The following APOB variants were observed in gnomAD, a reference collection of about 807,000 sequenced individuals.
APOB encodes the protein apolipoprotein B.
Under a neutral mutation model 314.1 loss-of-function variants are expected in APOB, and 153 were observed. The observed-to-expected ratio is 0.49, with a 90% CI of 0.43 to 0.56. APOB has a LOEUF of 0.56. APOB is among the 20% of genes least tolerant of loss of function. The probability of loss-of-function intolerance (pLI) is 0.00; values close to 1 mark genes in which losing one functional copy is unlikely to be tolerated. For synonymous variants in APOB, 2,087 were observed against 2,036.4 expected (o/e 1.02, Z -0.67); for missense variants, 5,430 against 5,350.7 (o/e 1.01, Z -0.46).
Position 21,002,096 on chromosome 2 carries a change from T to C in APOB, c.13326A>G (p.Gln4442=), listed in dbSNP as rs1243783829. 1 of 1,613,856 alleles carries C rather than the reference T, an allele frequency of 6.2e-7. No homozygotes were observed. The change falls in exon 29 of 29, where the codon CAA becomes CAG. Residue 4442 remains glutamine (Q), a synonymous_variant. Transcript: ENST00000233242. ...ATTCCTGAATATTTCTGTGCAGAAA[T>C]TGCTCAACTTGACTTGAGAGTTGGG... ...FTSQLSSQVE[Q]FLHRNIQEYL...
Position 21,007,269 on chromosome 2 carries a change from C to A in APOB, c.9599G>T (p.Ser3200Ile). The part of the protein sequence containing the change: ...LAVLCEFISQ[S>I]IKSFDRHFEK... ...AAAATGCCTGTCAAAGGATTTGATGCTCTGACTGATAAACTCACAAAGCAC... is the reference window on the plus strand; with the variant it reads ...AAAATGCCTGTCAAAGGATTTGATGATCTGACTGATAAACTCACAAAGCAC... The change falls in exon 26 of 29, where the codon AGC (serine) becomes ATC (isoleucine). Residue 3200 changes from serine (S) to isoleucine (I), a missense_variant. Coordinates refer to ENST00000233242, the MANE Select transcript of APOB (RefSeq NM_000384.3). The A allele has an allele frequency of 6.2e-7, 1 of 1,613,458 alleles. No homozygotes were observed.
Position 21,028,330 on chromosome 2 carries a change from T to G in APOB, c.1826A>C (p.Gln609Pro). 1 of 1,612,750 alleles carries G rather than the reference T, an allele frequency of 6.2e-7. No individual in the cohort carries two copies. Among genetic ancestry groups the G allele is most frequent in the East Asian group, 2.2e-5 (1 of 44,860 alleles). The change falls in exon 13 of 29, where the codon CAA becomes CCA. Residue 609 changes from glutamine to proline, a missense_variant. By Grantham distance (76) the Gln-to-Pro change is moderately conservative. Around this residue, in one of 3 missense-constraint regions of APOB, gnomAD observed 2,085 missense variants for 2,079.7 expected, o/e 1.00. Transcript: ENST00000233242. ...NILNSEELDI[Q>P]DLKKLVKEAL... ...GGGGTGAATAGCTCTTACTTACTCTTGGATATCCAATTCTTCTGAGTTCAA... is the reference window on the plus strand; with the variant it reads ...GGGGTGAATAGCTCTTACTTACTCTGGGATATCCAATTCTTCTGAGTTCAA...
intron 18 of APOB, 90 bp from the exon 19 acceptor site, chr2:21,019,995 C>T (rs1302305486): frequency 2.5e-6 from 3 of 1,180,046 alleles, no homozygotes; most frequent in Admixed American, 1.7e-5. Context: ...CCCCCTTATC[C>T]TCCTGTCTTC....
Position 21,005,394 on chromosome 2 carries a change from A to T in APOB, c.11474T>A (p.Phe3825Tyr), listed in dbSNP as rs1663099399. 6.2e-7 allele frequency: 1 copy of T among 1,613,986 alleles called. No homozygotes were observed. The highest frequency in any genetic ancestry group is 8.5e-7 in the Non-Finnish European group (1 of 1,179,962). Residue 3825 changes from phenylalanine to tyrosine, a missense_variant, in exon 26 of 29, where the codon TTC (phenylalanine) becomes TAC (tyrosine). Around this residue, in one of 3 missense-constraint regions of APOB, gnomAD observed 3,281 missense variants for 3,171.0 expected, o/e 1.03. Coordinates refer to ENST00000233242, the MANE Select transcript of APOB (RefSeq NM_000384.3). ...VPESQLTVSQ[F>Y]TLPKSVSDGI... ...ATCTGAAACACTTTTTGGAAGCGTGAACTGGGACACAGTTAACTGAGATTC... is the reference window on the plus strand; with the variant it reads ...ATCTGAAACACTTTTTGGAAGCGTGTACTGGGACACAGTTAACTGAGATTC...
At chr2:21,037,482 T>C (rs1276886670) in intron 5 of APOB, among the ~76,000 whole-genome samples, 1 of 152,036 alleles carries the variant, frequency 6.6e-6, no homozygotes, top group Non-Finnish European at 1.5e-5. Context: ...CCTCCGCAGG[T>C]TGCATCGGTG....
intron 25 of APOB, 63 bp from the exon 26 acceptor site, chr2:21,012,714 G>T: frequency 6.5e-7 from 1 of 1,547,620 alleles, no homozygotes; most frequent in Non-Finnish European, 8.8e-7. Flanking sequence ...CAATCTCTAT[G>T]TTGAAAGTCT....
In APOB at chr2:21,005,735, G is replaced by T; in HGVS notation, c.11133C>A (p.Thr3711=). 6.2e-7 allele frequency: 1 copy of T among 1,613,844 alleles called. No individual in the cohort carries two copies. Among genetic ancestry groups the T allele is most frequent in the Non-Finnish European group, 8.5e-7 (1 of 1,179,914 alleles). ...HLRVSTAFVY[T]KNPNGYSFSI... ...AGAATGAATAGCCATTGGGGTTTTT[G>T]GTGTACACAAAGGCAGTTGAAACAC... Residue 3711 remains threonine (T), a synonymous_variant, in exon 26 of 29, where the codon ACC becomes ACA. Coordinates refer to ENST00000233242, the MANE Select transcript of APOB (RefSeq NM_000384.3).
rs1663229780 is a variant in APOB at position 21,008,989 on chromosome 2, G to T, written c.7879C>A (p.Pro2627Thr). Residue 2627 changes from proline (P) to threonine (T), a missense_variant, in exon 26 of 29, where the codon CCA becomes ACA. By Grantham distance (38) the Pro-to-Thr change is conservative. Transcript: ENST00000233242. Reference sequence around the variant, plus strand: ...TCTTTGAAGTTTATCTGAACTGATGGAATCCTCAAATCTGTTAGGGGGACT... The same window carrying T: ...TCTTTGAAGTTTATCTGAACTGATGTAATCCTCAAATCTGTTAGGGGGACT... Reference protein sequence around the residue: ...FIVPLTDLRIPSVQINFKDLK... With the variant: ...FIVPLTDLRITSVQINFKDLK... 2.5e-6 allele frequency: 4 copies of T among 1,613,952 alleles called. 1 individual carries two copies. The East Asian group carries it at 8.9e-5, about 36-fold the overall frequency.
rs1381139211 is a variant in APOB, at chr2:21,002,565, G to T, written c.12857C>A (p.Ala4286Asp). ...CTCTGTGGTCTTGAGAGACTGAATG[G>T]CTTTAAATACCTCTTGGGCTTCTTT... ...LSKEAQEVFK[A>D]IQSLKTTEVL... The change falls in exon 29 of 29, where the codon GCC becomes GAC. Residue 4286 changes from alanine to aspartate, a missense_variant. Ala to Asp is a moderately radical substitution (Grantham distance 126, BLOSUM62 -2). This residue lies in a region of APOB where 3,281 missense variants were observed against 3,171.0 expected (regional missense o/e 1.03). Transcript: ENST00000233242. The T allele has an allele frequency of 1.2e-6, 2 of 1,614,026 alleles. No homozygotes were observed. Among genetic ancestry groups the T allele is most frequent in the Non-Finnish European group, 1.7e-6 (2 of 1,179,944 alleles).
chr2:21,006,665 C>A lies in APOB; in HGVS notation c.10203G>T (p.Leu3401=). Residue 3401 remains leucine, a synonymous_variant, in exon 26 of 29, where the codon CTG becomes CTT. Transcript: ENST00000233242. ...RGLKLATALS[L]SNKFVEGSHN... ...GACTACCCTCCACAAATTTGTTGCT[C>A]AGAGACAGAGCTGTGGCTAACTTCA... The A allele has an allele frequency of 6.2e-7, 1 of 1,614,086 alleles. No homozygotes were observed. Among genetic ancestry groups the A allele is most frequent in the Admixed American group, 1.7e-5 (1 of 60,016 alleles).
chr2:21,043,904 C>T lies in APOB; in HGVS notation c.42G>A (p.Leu14=). ...CCAGCAGCAGCAGCAGCAGCGCAGGCAGCGCCAGCAGCGCCAGCAGCGCGG... is the reference window on the plus strand; with the variant it reads ...CCAGCAGCAGCAGCAGCAGCGCAGGTAGCGCCAGCAGCGCCAGCAGCGCGG... ...PRPALLALLA[L]PALLLLLLAG... Residue 14 remains leucine (L), a synonymous_variant, in exon 1 of 29, where the codon CTG becomes CTA. Transcript: ENST00000233242. The T allele has an allele frequency of 1.5e-6, 1 of 680,200 alleles. No homozygotes were observed. The highest frequency in any genetic ancestry group is 2.1e-6 in the Non-Finnish European group (1 of 485,700). The allele number at this position is 680,200 out of a possible 1,614,324, so 42.1% of individuals were successfully genotyped here. A position where few individuals can be genotyped will look rare whatever the true frequency, so the allele number is the denominator to read the frequency against.
chr2:21,020,612 T>C (rs1663583905), intron 18 of APOB, among the ~76,000 whole-genome samples: 1 of 152,254 alleles, frequency 6.6e-6, no homozygotes, highest in African/African-American at 2.4e-5. Flanking sequence ...CTCTCACATC[T>C]GAAGAGATGA....
Position 21,029,939 on chromosome 2 carries a change from C to A in APOB, c.1429G>T (p.Asp477Tyr). Residue 477 changes from aspartate (D) to tyrosine (Y), a missense_variant, in exon 11 of 29, where the codon GAC becomes TAC. Coordinates refer to ENST00000233242, the MANE Select transcript of APOB (RefSeq NM_000384.3). ...GTGTAATCTTCATCCCCAGTGCAGT[C>A]ATCTTGAATCTGTTCCATCAGGTAA... ...ANYLMEQIQDDCTGDEDYTYL... is the reference protein window; with the variant it reads ...ANYLMEQIQDYCTGDEDYTYL... The A allele has an allele frequency of 6.2e-7, 1 of 1,614,090 alleles. No homozygotes were observed. Among genetic ancestry groups the A allele is most frequent in the Non-Finnish European group, 8.5e-7 (1 of 1,179,962 alleles).
intron 4 of APOB, among the ~76,000 whole-genome samples, chr2:21,039,919 G>T (rs1430019758): frequency 6.6e-6 from 1 of 152,164 alleles, no homozygotes; most frequent in Non-Finnish European, 1.5e-5. Flanking sequence ...CTAATGTTTA[G>T]CAAAACTGAA....
rs1801702 is a variant in APOB, at chr2:21,002,613, C to T, written c.12809G>A (p.Arg4270Lys). 6.2e-7 allele frequency: 1 copy of T among 1,613,938 alleles called. No individual in the cohort carries two copies. The highest frequency in any genetic ancestry group is 8.5e-7 in the Non-Finnish European group (1 of 1,179,958). ...TTTTGATAAATCTTTCAACAGTTCC[C>T]TATACATCGAGATTACATCTATTAG... is the stretch of plus-strand genomic sequence containing the variant. Reference protein sequence around the residue: ...HKLIDVISMYRELLKDLSKEA... With the variant: ...HKLIDVISMYKELLKDLSKEA... Residue 4270 changes from arginine (R) to lysine (K), a missense_variant, in exon 29 of 29, where the codon AGG becomes AAG. Physicochemically the swap from Arg to Lys is conservative, Grantham distance 26. This residue lies in a region of APOB where 3,281 missense variants were observed against 3,171.0 expected (regional missense o/e 1.03). Coordinates refer to ENST00000233242, the MANE Select transcript of APOB (RefSeq NM_000384.3).
At chr2:21,004,755 T>G in intron 26 of APOB, 80 bp from the exon 27 acceptor site, 1 of 1,082,098 alleles carries the variant, frequency 9.2e-7, no homozygotes, top group South Asian at 1.3e-5. Context: ...CTGGGAGAAT[T>G]CTATCCTAAC....
rs200261177 is a variant in APOB at position 21,014,566 on chromosome 2, A to G, written c.3724T>C (p.Ser1242Pro). The stretch of plus-strand genomic sequence containing the variant: ...GTCTGGGTATAAGGAAGACTCCCAG[A>G]TGCCTTCTGAAGCCATGAGCTCATT... ...VAMSSWLQKA[S>P]GSLPYTQTLQ... Residue 1242 changes from serine (S) to proline (P), a missense_variant, in exon 24 of 29, where the codon TCT becomes CCT. Transcript: ENST00000233242. 1 of 1,614,098 alleles carries G rather than the reference A, an allele frequency of 6.2e-7. No individual in the cohort carries two copies. The highest frequency in any genetic ancestry group is 1.7e-5 in the Admixed American group (1 of 60,016).
chr2:21,029,879 T>A lies in APOB; in HGVS notation c.1470+19A>T. 6.2e-7 allele frequency: 1 copy of A among 1,608,824 alleles called. No individual in the cohort carries two copies. The highest frequency in any genetic ancestry group is 2.2e-5 in the East Asian group (1 of 44,842). ...AGTGCTTCTGAAATGATGTATGTCA[T>A]ATAAAAGACTGAGATTACCCGCAGA... On this transcript the variant is annotated intron_variant, in intron 11 of 28. Coordinates refer to ENST00000233242, the MANE Select transcript of APOB (RefSeq NM_000384.3).
chr2:21,033,516 T>G lies in APOB; in HGVS notation c.907A>C (p.Thr303Pro). 6.2e-7 allele frequency: 1 copy of G among 1,613,322 alleles called. No homozygotes were observed. The highest frequency in any genetic ancestry group is 8.5e-7 in the Non-Finnish European group (1 of 1,179,242). The stretch of plus-strand genomic sequence containing the variant: ...TCAAATGCGAGGCCCATCTTCTTAG[T>G]ACCTGGAAGATGGAAAGTGTCAAAG... ...KINSRFFGEG[T>P]KKMGLAFEST... Residue 303 changes from threonine (T) to proline (P), a missense_variant and splice_region_variant, in exon 9 of 29, where the codon ACT (threonine) becomes CCT (proline). By Grantham distance (38) the Thr-to-Pro change is conservative (BLOSUM62 -1). This residue lies in a region of APOB where 2,085 missense variants were observed against 2,079.7 expected (regional missense o/e 1.00). Transcript: ENST00000233242.
Sources: gnomAD v4.1 joint callset for allele counts (sites outside exome capture counted in the v4.1 genomes callset) on GRCh38, gnomAD v4.1.1 for gene constraint, gnomAD v4.1.1 regional missense constraint, MANE v1.5 for transcripts, NCBI Gene and HGNC (gene_info 2026-07-23, HGNC 2026-07-21) for gene names.